CCDC91: variants seen among roughly 807,000 people sequenced by gnomAD.
CCDC91 encodes the protein coiled-coil domain containing 91, also known as coiled-coil domain-containing protein 91.
CCDC91 carries 48 observed loss-of-function variants against 63.2 expected under a neutral mutation model. That is an observed-to-expected ratio of 0.76 (90% CI 0.60 to 0.97). The LOEUF is 0.97. Ranked by LOEUF, CCDC91 falls within the 50% of genes least tolerant of loss-of-function variation. The pLI is 0.00. For missense variants in CCDC91, 500 were observed against 494.6 expected (o/e 1.01, Z -0.10); for synonymous variants, 167 against 165.8 (o/e 1.01, Z -0.06).
At chr12:28,410,532 GTTTT>G (rs1358325216) in intron 8 of CCDC91, among the ~76,000 whole-genome samples, 1 of 151,340 alleles carries the variant, frequency 6.6e-6, no homozygotes, top group African/African-American at 2.4e-5. Flanking sequence ...TTGTTTGTTT[GTTTT>G]TTTGAGACAG....
chr12:28,288,197 TTCTC>T (rs1250546908), intron 3 of CCDC91, among the ~76,000 whole-genome samples: 1 of 152,210 alleles, frequency 6.6e-6, no homozygotes, highest in Non-Finnish European at 1.5e-5. Flanking sequence ...CTTTATTTCT[TTCTC>T]TTTCCTGATT....
chr12:28,416,236 T>G (rs1389045191), intron 8 of CCDC91, among the ~76,000 whole-genome samples: 2 of 152,138 alleles, frequency 1.3e-5, no homozygotes, highest in African/African-American at 4.8e-5. Flanking sequence ...CTATTATCAT[T>G]GTTGTTGCTG....
intron 11 of CCDC91, among the ~76,000 whole-genome samples, chr12:28,477,648 A>C (rs1951182418): frequency 6.6e-6 from 1 of 152,174 alleles, no homozygotes; most frequent in South Asian, 2.1e-4. Flanking sequence ...AAGGGTATTC[A>C]ATCAGGAAAA....
At chr12:28,194,493 C>A (rs143845333) in intron 1 of CCDC91, among the ~76,000 whole-genome samples, 1 of 152,134 alleles carries the variant, frequency 6.6e-6, no homozygotes, top group Admixed American at 6.5e-5. Context: ...CTGGTGGGTC[C>A]ATGGTCTTGC....
At chr12:28,228,580 T>G (rs1366378088) in intron 1 of CCDC91, among the ~76,000 whole-genome samples, 2 of 152,122 alleles carry the variant, frequency 1.3e-5, no homozygotes, top group East Asian at 3.9e-4. Flanking sequence ...CAGTGATTAC[T>G]TGTGGACAGA....
At chr12:28,292,982 C>A (rs556822498) in intron 3 of CCDC91, among the ~76,000 whole-genome samples, 3 of 152,152 alleles carry the variant, frequency 2.0e-5, no homozygotes, top group Non-Finnish European at 4.4e-5. Context: ...TATTTGTAAT[C>A]TGACAACTGT....
intron 11 of CCDC91, 50 bp downstream of exon 11, chr12:28,452,704 C>G (rs560164580): frequency 2.1e-6 from 2 of 961,466 alleles, no homozygotes; most frequent in South Asian, 4.1e-5. Context: ...TCATTTTTCT[C>G]AAAATGAAGT....
At chr12:28,504,347 T>C (rs994052150) in intron 12 of CCDC91, among the ~76,000 whole-genome samples, 5 of 151,922 alleles carry the variant, frequency 3.3e-5, no homozygotes, top group African/African-American at 1.2e-4. Flanking sequence ...AGATTTTATT[T>C]ATTCTATTCA....
At chr12:28,434,709 G>A (rs1321582615) in intron 8 of CCDC91, among the ~76,000 whole-genome samples, 1 of 144,548 alleles carries the variant, frequency 6.9e-6, no homozygotes, top group African/African-American at 2.5e-5. Flanking sequence ...TATTGAATTA[G>A]TATAATTTTT....
chr12:28,532,018 A>G (rs777553495), intron 12 of CCDC91, among the ~76,000 whole-genome samples: 1 of 152,122 alleles, frequency 6.6e-6, no homozygotes, highest in African/African-American at 2.4e-5. Context: ...GATTAACTGA[A>G]TTGGCACTTA....
At position 28,357,356 on chromosome 12, in the gene CCDC91, G is replaced by A. The variant is rs1228047115; in HGVS notation, c.577-5082G>A. On this transcript the variant is annotated intron_variant, in intron 6 of 12. Transcript: ENST00000536442. ...GTTATGGGTAGTGGAGGCTTGGTTG[G>A]AATATGCTTCCATTTACCTTTGAAA... 2.0e-5 allele frequency among the ~76,000 whole-genome samples: 3 copies of A among 152,074 alleles called. No homozygotes were observed. The East Asian group carries it at 5.8e-4, about 29-fold the overall frequency.
chr12:28,326,391 G>GT (rs56061389), intron 6 of CCDC91, among the ~76,000 whole-genome samples: 133,103 of 149,380 alleles, frequency 0.89, 60,550 homozygotes, highest in East Asian at 1. Flanking sequence ...TGTTAGAATT[G>GT]TTTTTTTTTA....
chr12:28,235,585 G>T (rs565518635), intron 1 of CCDC91, among the ~76,000 whole-genome samples: 2 of 84,724 alleles, frequency 2.4e-5, no homozygotes, highest in African/African-American at 9.1e-5. Context: ...AGTTAATGCC[G>T]CATAGCATTA....
intron 8 of CCDC91, among the ~76,000 whole-genome samples, chr12:28,409,930 G>A (rs913410868): frequency 6.6e-6 from 1 of 151,778 alleles, no homozygotes; most frequent in Non-Finnish European, 1.5e-5. Flanking sequence ...TACATTTTGA[G>A]GTTTCTTTTA....
At chr12:28,268,663 A>G in intron 3 of CCDC91, 1 of 985,254 alleles carries the variant, frequency 1.0e-6, no homozygotes, top group Non-Finnish European at 1.2e-6. Context: ...ACTGCTTCAG[A>G]GCAAGCCCCG....
intron 7 of CCDC91, among the ~76,000 whole-genome samples, chr12:28,376,740 A>G (rs1944971750): frequency 6.6e-6 from 1 of 151,866 alleles, no homozygotes; most frequent in South Asian, 2.1e-4. Context: ...TTCTCCGTAT[A>G]CATCTATTCA....
chr12:28,227,637 C>T (rs546952314), intron 1 of CCDC91, among the ~76,000 whole-genome samples: 2 of 152,082 alleles, frequency 1.3e-5, no homozygotes, highest in East Asian at 3.9e-4. Flanking sequence ...AGGTAGAAAC[C>T]GATGGGATCC....
intron 11 of CCDC91, among the ~76,000 whole-genome samples, chr12:28,474,146 T>C (rs1206527013): frequency 6.6e-6 from 1 of 152,154 alleles, no homozygotes; most frequent in East Asian, 1.9e-4. Context: ...TCTCATTGCA[T>C]AATAAACACT....
intron 6 of CCDC91, among the ~76,000 whole-genome samples, chr12:28,322,371 C>T (rs1592304662): frequency 6.6e-6 from 1 of 151,834 alleles, no homozygotes; most frequent in African/African-American, 2.4e-5. Context: ...AGTCCTTCTT[C>T]TGCTTTGAGA....
Sources: allele counts gnomAD v4.1 joint callset (sites outside exome capture counted in the v4.1 genomes callset), GRCh38; gene constraint gnomAD v4.1.1; transcripts MANE v1.5; gene names NCBI Gene and HGNC (gene_info 2026-07-23, HGNC 2026-07-21).